Variants in SLC26A9 observed in about 807,000 individuals in gnomAD.
SLC26A9 encodes the protein anion transporter/exchanger protein 9.
SLC26A9 carries 46 observed loss-of-function variants against 87.1 expected under a neutral mutation model. That is an observed-to-expected ratio of 0.53 (90% CI 0.42 to 0.67). The LOEUF is 0.67. SLC26A9 is among the 30% of genes least tolerant of loss of function. The probability of loss-of-function intolerance (pLI) is 0.00; values close to 1 mark genes in which losing one functional copy is unlikely to be tolerated. For missense variants in SLC26A9, 927 were observed against 1,018.3 expected, an observed-to-expected ratio of 0.91 and a Z score of 1.22; for synonymous variants, 437 against 409.1, an observed-to-expected ratio of 1.07 and a Z score of -0.82.
intron 1 of SLC26A9, among the ~76,000 whole-genome samples, chr1:205,939,795 A>G (rs1659661675): frequency 6.6e-6 from 1 of 152,160 alleles, no homozygotes. Context: ...AGAGCCAGGT[A>G]TAGGGAACAT....
intron 12 of SLC26A9, among the ~76,000 whole-genome samples, chr1:205,926,173 A>G (rs1659059143): frequency 6.6e-6 from 1 of 152,192 alleles, no homozygotes. Flanking sequence ...TAAAGTAGTC[A>G]TAGCTAAGCT....
Position 205,928,857 on chromosome 1 carries a change from T to C in SLC26A9, c.923A>G (p.His308Arg). ...TTGGATTTCTCCCACGATCTGCATG[T>C]GATACTTTTTGGGCATCTTACAGCC... ...SGGCKMPKKYHMQIVGEIQRG... is the reference protein window; with the variant it reads ...SGGCKMPKKYRMQIVGEIQRG... Residue 308 changes from histidine to arginine, a missense_variant, in exon 8 of 21, where the codon CAC (histidine) becomes CGC (arginine). Transcript: ENST00000367135. The C allele has an allele frequency of 1.9e-6, 3 of 1,614,146 alleles. No individual in the cohort carries two copies. The highest frequency in any genetic ancestry group is 1.6e-4 in the Middle Eastern group (1 of 6,062).
intron 2 of SLC26A9, 66 bp downstream of exon 2, chr1:205,935,630 T>C: frequency 1.9e-6 from 3 of 1,603,470 alleles, no homozygotes; most frequent in Non-Finnish European, 2.6e-6. Flanking sequence ...AGAAGCCGTG[T>C]CCTGGTGCAG....
chr1:205,931,648 G>T lies in SLC26A9; in HGVS notation c.552+212C>A, dbSNP rs750032500. The stretch of plus-strand genomic sequence containing the variant: ...AGCCTGGATTATTTTTGTATTTTTG[G>T]TAGAGATGGGGTTTCATCACGTTGG... On this transcript the variant is annotated intron_variant, in intron 5 of 20. Transcript: ENST00000367135. Among the ~76,000 whole-genome samples the T allele has an allele frequency of 7.1e-4, 108 of 151,928 alleles. 1 individual carries two copies. Among genetic ancestry groups the T allele is most frequent in the Admixed American group, 1.0e-3 (16 of 15,266 alleles).
Position 205,929,297 on chromosome 1 carries a change from A to G in SLC26A9, c.777T>C (p.Ala259=). ...GCACCAGGAAGGCACCGCTGATGAG[A>G]GCGAAGATGAGCGAGGCGATGTTGG... The part of the protein sequence containing the change: ...PHTNIASLIF[A]LISGAFLVLV... The change falls in exon 7 of 21, where the codon GCT becomes GCC. Residue 259 remains alanine, a synonymous_variant. Transcript: ENST00000367135. 2 of 1,614,212 alleles carry G rather than the reference A, an allele frequency of 1.2e-6. No individual in the cohort carries two copies. The highest frequency in any genetic ancestry group is 1.1e-5 in the South Asian group (1 of 91,078).
At position 205,928,828 on chromosome 1, in the gene SLC26A9, C is replaced by G. The variant is rs772963778; in HGVS notation, c.952G>C (p.Gly318Arg). The change falls in exon 8 of 21, where the codon GGG (glycine) becomes CGG (arginine). Residue 318 changes from glycine to arginine, a missense_variant and splice_region_variant. By Grantham distance (125) the Gly-to-Arg change is moderately radical (BLOSUM62 -2). Coordinates refer to ENST00000367135, the MANE Select transcript of SLC26A9 (RefSeq NM_052934.4). ...GGCTTCTGGGCCACCTGGACTCACC[C>G]GCGTTGGATTTCTCCCACGATCTGC... ...HMQIVGEIQR[G>R]FPTPVSPVVS... 6.2e-7 allele frequency: 1 copy of G among 1,614,122 alleles called. No individual in the cohort carries two copies.
At chr1:205,925,111 T>C (rs958221090) in intron 12 of SLC26A9, among the ~76,000 whole-genome samples, 3 of 152,204 alleles carry the variant, frequency 2.0e-5, no homozygotes, top group African/African-American at 7.2e-5. Context: ...TGTTCTTTAA[T>C]GGCTATGTGA....
intron 1 of SLC26A9, among the ~76,000 whole-genome samples, chr1:205,938,337 A>G (rs72752927): frequency 0.085 from 12,765 of 150,312 alleles, 612 homozygotes; most frequent in African/African-American, 0.12. Context: ...ACCCTGTCCC[A>G]TTGCCTCCCT....
Position 205,932,982 on chromosome 1 carries a change from G to A in SLC26A9, c.228C>T (p.Leu76=), listed in dbSNP as rs951343487. The A allele has an allele frequency of 9.3e-6, 15 of 1,613,998 alleles. No homozygotes were observed. Among genetic ancestry groups the A allele is most frequent in the Middle Eastern group, 1.6e-4 (1 of 6,084 alleles). Residue 76 remains leucine (L), a synonymous_variant, in exon 3 of 21, where the codon CTC becomes CTT. Coordinates refer to ENST00000367135, the MANE Select transcript of SLC26A9 (RefSeq NM_052934.4). ...KIKDYIIPDL[L]GGLSGGSIQV... is the part of the protein sequence containing the mutation. ...GGATGGATCCCCCGCTGAGTCCACC[G>A]AGCAGGTCAGGAATGATGTAGTCTT...
Position 205,927,398 on chromosome 1 carries a change from C to T in SLC26A9, c.1215+94G>A, listed in dbSNP as rs543248661. The stretch of plus-strand genomic sequence containing the variant: ...GGAGACTAAGACGGGAAGAAGGGGT[C>T]GGAGAAGAGCTGGCCTGGCTTGCAG... On this transcript the variant is annotated intron_variant, in intron 10 of 20. Coordinates refer to ENST00000367135, the MANE Select transcript of SLC26A9 (RefSeq NM_052934.4). 70 of 1,546,094 alleles carry T rather than the reference C, an allele frequency of 4.5e-5. No individual in the cohort carries two copies. The Middle Eastern group carries it at 8.4e-4, about 19-fold the overall frequency.
intron 1 of SLC26A9, among the ~76,000 whole-genome samples, chr1:205,939,818 C>T (rs933701568): frequency 6.6e-6 from 1 of 152,028 alleles, no homozygotes; most frequent in East Asian, 1.9e-4. Flanking sequence ...CAATCTGATC[C>T]CCAGTTAAAC....
At chr1:205,935,258 T>G (rs958909585) in intron 2 of SLC26A9, 1 of 153,330 alleles carries the variant, frequency 6.5e-6, no homozygotes, top group African/African-American at 2.4e-5. Flanking sequence ...CTGGACCAAG[T>G]GGAGGAAGGA....
intron 1 of SLC26A9, among the ~76,000 whole-genome samples, chr1:205,937,614 T>C (rs1329926979): frequency 6.6e-6 from 1 of 152,164 alleles, no homozygotes; most frequent in African/African-American, 2.4e-5. Context: ...TGGCGATGAT[T>C]ACTATGATTA....
Position 205,927,977 on chromosome 1 carries a change from G to C in SLC26A9, c.1026C>G (p.Ile342Met). 1 of 1,614,196 alleles carries C rather than the reference G, an allele frequency of 6.2e-7. No individual in the cohort carries two copies. The highest frequency in any genetic ancestry group is 8.5e-7 in the Non-Finnish European group (1 of 1,180,014). The change falls in exon 9 of 21, where the codon ATC (isoleucine) becomes ATG (methionine). Residue 342 changes from isoleucine to methionine, a missense_variant. Physicochemically the swap from Ile to Met is conservative, Grantham distance 10 (BLOSUM62 1). Coordinates refer to ENST00000367135, the MANE Select transcript of SLC26A9 (RefSeq NM_052934.4). ...DMIGTAFSLAIVSYVINLAMG... is the reference protein window; with the variant it reads ...DMIGTAFSLAMVSYVINLAMG... ...TAGCCAGGTTGATGACGTAGCTCAC[G>C]ATGGCTAGGGAGAAGGCTGTGCCTA...
chr1:205,928,737 A>G (rs1659182587), intron 8 of SLC26A9, 90 bp downstream of exon 8: 1 of 1,245,642 alleles, frequency 8.0e-7, no homozygotes, highest in African/African-American at 1.5e-5. Flanking sequence ...CTGCACTTTC[A>G]TAGAGTTCAT....
At chr1:205,935,665 G>C in intron 2 of SLC26A9, 31 bp downstream of exon 2, 1 of 1,613,514 alleles carries the variant, frequency 6.2e-7, no homozygotes, top group Admixed American at 1.7e-5. Context: ...GGGAGCAGAG[G>C]AGGCAGAAGT....
In SLC26A9 at chr1:205,914,832, G is replaced by A; in HGVS notation, c.*525C>T. ...GCACATGGTCCCTGGGTGCAGAGCTGCCAGAGACAGAGTTGAGGCAGCTGG... is the reference window on the plus strand; with the variant it reads ...GCACATGGTCCCTGGGTGCAGAGCTACCAGAGACAGAGTTGAGGCAGCTGG... On this transcript the variant is annotated 3_prime_UTR_variant, in exon 21 of 21. Coordinates refer to ENST00000367135, the MANE Select transcript of SLC26A9 (RefSeq NM_052934.4). 5 of 1,558,994 alleles carry A rather than the reference G, an allele frequency of 3.2e-6. No homozygotes were observed. Among genetic ancestry groups the A allele is most frequent in the Non-Finnish European group, 4.4e-6 (5 of 1,148,188 alleles).
At position 205,924,501 on chromosome 1, in the gene SLC26A9, G is replaced by A; in HGVS notation, c.1390-12C>T. The stretch of plus-strand genomic sequence containing the variant: ...ACTACCCAGATGCACTGTGAAAAGA[G>A]AGATGTCAAAAGCAGACCTGGGGAA... On this transcript the variant is annotated splice_polypyrimidine_tract_variant and intron_variant, in intron 12 of 20. Coordinates refer to ENST00000367135, the MANE Select transcript of SLC26A9 (RefSeq NM_052934.4). 3 of 1,613,652 alleles carry A rather than the reference G, an allele frequency of 1.9e-6. No homozygotes were observed. Among genetic ancestry groups the A allele is most frequent in the Non-Finnish European group, 2.5e-6 (3 of 1,179,676 alleles).
intron 12 of SLC26A9, 43 bp downstream of exon 12, chr1:205,926,492 G>A: frequency 6.6e-7 from 1 of 1,520,108 alleles, no homozygotes; most frequent in Non-Finnish European, 9.1e-7. Flanking sequence ...TTGGAGGAGA[G>A]GGCAGGGGCA....
Sources: allele counts gnomAD v4.1 joint callset (sites outside exome capture counted in the v4.1 genomes callset), GRCh38; gene constraint gnomAD v4.1.1; transcripts MANE v1.5; gene names NCBI Gene and HGNC (gene_info 2026-07-23, HGNC 2026-07-21).